GUCY1B1: variants seen among roughly 807,000 people sequenced by gnomAD.
The protein encoded by GUCY1B1 is guanylate cyclase soluble subunit beta-1.
GUCY1B1 carries 43 observed loss-of-function variants against 71.0 expected under a neutral mutation model. The observed-to-expected ratio is 0.61, with a 90% CI of 0.47 to 0.78. The LOEUF (loss-of-function observed/expected upper bound fraction) is 0.78. Ranked by LOEUF, GUCY1B1 falls within the 30% of genes least tolerant of loss-of-function variation. The pLI, the probability that GUCY1B1 is intolerant of heterozygous loss-of-function variation, is 0.00. For synonymous variants in GUCY1B1, 266 were observed against 259.7 expected (o/e 1.02, Z -0.23); for missense variants, 535 against 754.1 (o/e 0.71, Z 3.40).
chr4:155,805,108 T>G lies in GUCY1B1; in HGVS notation c.1715T>G (p.Leu572Arg), dbSNP rs1740227177. The change falls in exon 13 of 14, where the codon CTT becomes CGT. Residue 572 changes from leucine to arginine, a missense_variant. Leu to Arg is a moderately radical substitution (Grantham distance 102). Transcript: ENST00000264424. Reference sequence around the variant, plus strand: ...CCCCTTCCCTTGTCTTTTAGATGTCTTATGTCTCCAGAAAATTCAGATCCA... The same window carrying G: ...CCCCTTCCCTTGTCTTTTAGATGTCGTATGTCTCCAGAAAATTCAGATCCA... ...INVSEYTYRCLMSPENSDPQF... is the reference protein window; with the variant it reads ...INVSEYTYRCRMSPENSDPQF... 6.2e-7 allele frequency: 1 copy of G among 1,611,758 alleles called. No individual in the cohort carries two copies. The highest frequency in any genetic ancestry group is 1.1e-5 in the South Asian group (1 of 90,996).
intron 12 of GUCY1B1, 34 bp downstream of exon 12, chr4:155,804,781 C>T: frequency 6.4e-7 from 1 of 1,569,144 alleles, no homozygotes; most frequent in Non-Finnish European, 8.7e-7. Context: ...TACTGATTTG[C>T]AAAGAAAATG....
intron 3 of GUCY1B1, among the ~76,000 whole-genome samples, chr4:155,776,955 A>G (rs1012807711): frequency 6.6e-6 from 1 of 152,208 alleles, no homozygotes; most frequent in Non-Finnish European, 1.5e-5. Context: ...TCTTGAGACC[A>G]GAAGTGTTTA....
At chr4:155,804,248 CA>C (rs1740155930) in intron 11 of GUCY1B1, among the ~76,000 whole-genome samples, 1 of 152,060 alleles carries the variant, frequency 6.6e-6, no homozygotes, top group African/African-American at 2.4e-5. Flanking sequence ...AGCAAAAATT[CA>C]TGTGTTACAG....
intron 4 of GUCY1B1, 61 bp downstream of exon 4, chr4:155,777,703 C>G: frequency 1.2e-6 from 1 of 826,280 alleles, no homozygotes. Flanking sequence ...AATATAGACT[C>G]TAGAATACTT....
chr4:155,779,985 T>C (rs906947289), intron 4 of GUCY1B1, among the ~76,000 whole-genome samples: 1 of 152,104 alleles, frequency 6.6e-6, no homozygotes, highest in African/African-American at 2.4e-5. Flanking sequence ...CCCCCACACT[T>C]CTTTGGGAGA....
At chr4:155,794,661 A>G (rs1326871477) in intron 6 of GUCY1B1, among the ~76,000 whole-genome samples, 4 of 152,172 alleles carry the variant, frequency 2.6e-5, no homozygotes, top group African/African-American at 9.6e-5. Context: ...TTGGAGTTGT[A>G]TATGGCATAC....
At chr4:155,770,811 A>G (rs1425529704) in intron 2 of GUCY1B1, among the ~76,000 whole-genome samples, 1 of 151,846 alleles carries the variant, frequency 6.6e-6, no homozygotes, top group Non-Finnish European at 1.5e-5. Flanking sequence ...ACACCTATGT[A>G]TATTATCCTC....
At chr4:155,783,081 C>T (rs1288506637) in intron 4 of GUCY1B1, among the ~76,000 whole-genome samples, 1 of 152,206 alleles carries the variant, frequency 6.6e-6, no homozygotes, top group Admixed American at 6.5e-5. Context: ...AGTTGTTTGA[C>T]ATACAGCTAT....
chr4:155,786,857 C>T (rs1738833129), intron 4 of GUCY1B1, among the ~76,000 whole-genome samples: 1 of 152,008 alleles, frequency 6.6e-6, no homozygotes, highest in South Asian at 2.1e-4. Context: ...AATCTGCCTG[C>T]CTCCGCCTCC....
At chr4:155,800,310 A>C (rs1443189601) in intron 9 of GUCY1B1, among the ~76,000 whole-genome samples, 1 of 152,360 alleles carries the variant, frequency 6.6e-6, no homozygotes, top group South Asian at 2.1e-4. Context: ...ATATAGGCCA[A>C]AATATCTTTT....
intron 2 of GUCY1B1, among the ~76,000 whole-genome samples, chr4:155,763,088 T>C (rs527309229): frequency 3.9e-5 from 6 of 152,306 alleles, no homozygotes; most frequent in African/African-American, 1.4e-4. Context: ...GAAAAGCACC[T>C]AAATACTTGA....
intron 4 of GUCY1B1, chr4:155,785,220 C>G (rs1283740034): frequency 2.6e-6 from 2 of 768,750 alleles, no homozygotes; most frequent in Non-Finnish European, 4.3e-6. Context: ...ATGAATGGAC[C>G]TACTCTCTAT....
intron 2 of GUCY1B1, among the ~76,000 whole-genome samples, chr4:155,768,290 C>T (rs1023348302): frequency 6.6e-6 from 1 of 152,022 alleles, no homozygotes; most frequent in African/African-American, 2.4e-5. Context: ...TCTGTGTTCA[C>T]ATATTGTAGT....
At chr4:155,777,500 T>C (rs772171403) in intron 3 of GUCY1B1, 24 bp from the exon 4 acceptor site, 11 of 1,166,122 alleles carry the variant, frequency 9.4e-6, no homozygotes, top group African/African-American at 7.5e-5. Flanking sequence ...ATGCTTTTTT[T>C]CCCCTCTTGA....
At chr4:155,785,297 CATT>C (rs769248553) in intron 4 of GUCY1B1, 17 of 1,473,258 alleles carry the variant, frequency 1.2e-5, no homozygotes, top group South Asian at 8.5e-5. Context: ...AGATTTACAT[CATT>C]GTTTCCTGGG....
intron 4 of GUCY1B1, among the ~76,000 whole-genome samples, chr4:155,782,161 C>T (rs937539543): frequency 9.2e-5 from 14 of 152,056 alleles, no homozygotes; most frequent in Non-Finnish European, 1.9e-4. Flanking sequence ...CTGCAAACTC[C>T]GCCTCCCGGG....
chr4:155,796,721 C>A (rs1024406800), intron 8 of GUCY1B1, among the ~76,000 whole-genome samples: 1 of 152,146 alleles, frequency 6.6e-6, no homozygotes. Flanking sequence ...ATGTTATTTG[C>A]CATGTCTTAA....
chr4:155,765,070 G>A (rs17033482), intron 2 of GUCY1B1, among the ~76,000 whole-genome samples: 7,293 of 152,056 alleles, frequency 0.048, 574 homozygotes, highest in African/African-American at 0.17. Flanking sequence ...TTAATTTGGC[G>A]TGTCGGAAGG....
At chr4:155,787,535 A>G (rs112118276) in intron 4 of GUCY1B1, among the ~76,000 whole-genome samples, 1 of 152,142 alleles carries the variant, frequency 6.6e-6, no homozygotes, top group Middle Eastern at 3.2e-3. Flanking sequence ...TTTCAGTCTG[A>G]ATTGTTGGCT....
Sources: gnomAD v4.1 joint callset for allele counts (sites outside exome capture counted in the v4.1 genomes callset) on GRCh38, gnomAD v4.1.1 for gene constraint, MANE v1.5 for transcripts, NCBI Gene and HGNC (gene_info 2026-07-23, HGNC 2026-07-21) for gene names.